The following CCDC141 variants were observed in gnomAD, a reference collection of about 807,000 sequenced individuals.
CCDC141 encodes the protein coiled-coil domain containing 141.
CCDC141 carries 168 observed loss-of-function variants against 181.0 expected under a neutral mutation model. That is an observed-to-expected ratio of 0.93 (90% CI 0.82 to 1.05). The LOEUF is 1.05. Among genes scored for constraint, CCDC141 ranks in the 50% least tolerant of loss-of-function variants. The probability of loss-of-function intolerance (pLI) is 0.00; values close to 1 mark genes in which losing one functional copy is unlikely to be tolerated. For synonymous variants in CCDC141, 666 were observed against 642.3 expected (o/e 1.04, Z -0.56); for missense variants, 1,902 against 1,788.5 (o/e 1.06, Z -1.14).
At chr2:178,888,331 AG>A (rs1169965971) in intron 9 of CCDC141, among the ~76,000 whole-genome samples, 195 bp downstream of exon 9, 3 of 152,224 alleles carry the variant, frequency 2.0e-5, no homozygotes, top group Admixed American at 6.5e-5. Flanking sequence ...AGGCGCAGAC[AG>A]GCCACCTGGG....
At chr2:178,828,929 G>A (rs908049600), downstream of CCDC141, among the ~76,000 whole-genome samples, 1 of 152,058 alleles carries the variant, frequency 6.6e-6, no homozygotes, top group Admixed American at 6.6e-5. Flanking sequence ...TAAAGTTCTT[G>A]TAAAAAGAAC....
intron 2 of CCDC141, among the ~76,000 whole-genome samples, chr2:178,984,065 G>T (rs1419563483): frequency 6.6e-6 from 1 of 152,074 alleles, no homozygotes; most frequent in African/African-American, 2.4e-5. Context: ...CAGCCAGAGA[G>T]AAAGGTCGGG....
chr2:178,953,820 T>C, intron 5 of CCDC141, among the ~76,000 whole-genome samples: 1 of 152,234 alleles, frequency 6.6e-6, no homozygotes, highest in East Asian at 1.9e-4. Flanking sequence ...GGTGGCATCA[T>C]GTATAAGAGA....
At chr2:178,980,257 G>T (rs1038070720) in intron 2 of CCDC141, among the ~76,000 whole-genome samples, 8 of 152,166 alleles carry the variant, frequency 5.3e-5, no homozygotes, top group African/African-American at 1.7e-4. Flanking sequence ...AGACCATCCT[G>T]GCTAACACAG....
rs770929085 is a variant in CCDC141 at position 178,872,145 on chromosome 2, C to T, written c.2067G>A (p.Glu689=). The change falls in exon 13 of 24, where the codon GAG becomes GAA. Residue 689 remains glutamate (E), a synonymous_variant. Coordinates refer to ENST00000443758, the MANE Select transcript of CCDC141 (RefSeq NM_173648.4). ...TTCCTTGCCTCACCTTTTTAAGTTG[C>T]TCTTTGAATGCCGCCCACTGCTGTT... The part of the protein sequence containing the change: ...PGKQQWAAFK[E]QLKKTSHNLK... The T allele has an allele frequency of 1.5e-5, 24 of 1,613,032 alleles. No homozygotes were observed. The South Asian group carries it at 2.4e-4, about 16-fold the overall frequency.
At chr2:178,841,003 T>A (rs116336765) in intron 22 of CCDC141, among the ~76,000 whole-genome samples, 2 of 152,136 alleles carry the variant, frequency 1.3e-5, no homozygotes, top group African/African-American at 4.8e-5. Flanking sequence ...AGTGGAATCA[T>A]CATCTTCTTG....
chr2:178,847,783 TAGGA>T (rs1685003124), intron 21 of CCDC141, among the ~76,000 whole-genome samples: 1 of 152,174 alleles, frequency 6.6e-6, no homozygotes, highest in Non-Finnish European at 1.5e-5. Flanking sequence ...GCGATAGTAT[TAGGA>T]GATGATGCCT....
chr2:178,999,225 C>A (rs978168147), intron 2 of CCDC141, among the ~76,000 whole-genome samples: 3 of 152,138 alleles, frequency 2.0e-5, no homozygotes, highest in Non-Finnish European at 2.9e-5. Context: ...CTGAAACTCA[C>A]CTGGCTGTCA....
At chr2:179,045,327 A>G (rs1478997684) in intron 2 of CCDC141, among the ~76,000 whole-genome samples, 1 of 136,144 alleles carries the variant, frequency 7.3e-6, no homozygotes, top group Non-Finnish European at 1.6e-5. Context: ...CCATGTCCCT[A>G]CAAAGGACAT....
chr2:178,870,231 C>CAAAAAAAAAAAAAAAA (rs34625707), intron 14 of CCDC141, among the ~76,000 whole-genome samples: 2 of 60,292 alleles, frequency 3.3e-5, no homozygotes, highest in East Asian at 4.5e-4. Flanking sequence ...GACTCTGTCT[C>CAAAAAAAAAAAAAAAA]AAAAAAAAAA....
intron 2 of CCDC141, among the ~76,000 whole-genome samples, chr2:178,996,662 G>A (rs1001325407): frequency 6.6e-6 from 1 of 152,136 alleles, no homozygotes; most frequent in African/African-American, 2.4e-5. Context: ...GCTTTAGGGA[G>A]AGCAACTTAG....
intron 6 of CCDC141, among the ~76,000 whole-genome samples, chr2:178,936,548 C>G (rs753689348): frequency 1.3e-5 from 2 of 151,934 alleles, no homozygotes; most frequent in Non-Finnish European, 2.9e-5. Context: ...CAGCTTTGTT[C>G]TTTTTGTTTA....
chr2:178,887,795 G>A (rs767897593), intron 9 of CCDC141, among the ~76,000 whole-genome samples: 3 of 152,154 alleles, frequency 2.0e-5, no homozygotes, highest in East Asian at 1.9e-4. Context: ...TAAGTCCACC[G>A]TATCAAACGA....
the CCDC141 span, among the ~76,000 whole-genome samples, chr2:178,820,062 A>C: frequency 1.3e-5 from 2 of 152,190 alleles, no homozygotes; most frequent in Non-Finnish European, 2.9e-5. Context: ...CTTATCTGAT[A>C]CATAAAAGGA....
chr2:178,918,853 ACAG>A lies in CCDC141; in HGVS notation c.949_951del (p.Leu317del). The stretch of plus-strand genomic sequence containing the variant: ...TGTTCTTTCTCCACGTAGTCCTTTG[ACAG>A]CAGAATTCTCAGTGCCTCACTCTTC... On this transcript the variant is annotated inframe_deletion, in exon 7 of 24. Transcript: ENST00000443758. 6.4e-7 allele frequency: 1 copy of A among 1,550,652 alleles called. No homozygotes were observed. The highest frequency in any genetic ancestry group is 8.7e-7 in the Non-Finnish European group (1 of 1,146,990).
chr2:178,846,276 C>T (rs771846439), intron 21 of CCDC141, among the ~76,000 whole-genome samples: 1 of 152,124 alleles, frequency 6.6e-6, no homozygotes, highest in Non-Finnish European at 1.5e-5. Flanking sequence ...TTGTTCCCTG[C>T]ATTTCATGGG....
chr2:178,911,585 T>G (rs192616749), intron 7 of CCDC141, among the ~76,000 whole-genome samples: 1 of 152,216 alleles, frequency 6.6e-6, no homozygotes, highest in Non-Finnish European at 1.5e-5. Context: ...TATCACCAAC[T>G]ATAAGAACTT....
At chr2:179,031,952 CAG>C (rs1310801996) in intron 2 of CCDC141, among the ~76,000 whole-genome samples, 1 of 152,010 alleles carries the variant, frequency 6.6e-6, no homozygotes, top group Non-Finnish European at 1.5e-5. Flanking sequence ...TGTGGTTCTT[CAG>C]AGTTTCCTGT....
At chr2:178,984,109 T>C (rs1234913287) in intron 2 of CCDC141, among the ~76,000 whole-genome samples, 32 of 152,184 alleles carry the variant, frequency 2.1e-4, no homozygotes, top group Admixed American at 1.4e-3. Flanking sequence ...AGACTAACAG[T>C]GGATCTCTCG....
Sources: allele counts gnomAD v4.1 joint callset (sites outside exome capture counted in the v4.1 genomes callset), GRCh38; gene constraint gnomAD v4.1.1; transcripts MANE v1.5; gene names NCBI Gene and HGNC (gene_info 2026-07-23, HGNC 2026-07-21).